The following C7orf33 variants were observed in gnomAD, a reference collection of about 807,000 sequenced individuals.
C7orf33 encodes uncharacterized protein C7orf33.
C7orf33 carries 15 observed loss-of-function variants against 13.4 expected under a neutral mutation model. The observed-to-expected ratio is 1.12, with a 90% CI of 0.75 to 1.72. C7orf33 has a LOEUF of 1.72. Among genes scored for constraint, C7orf33 ranks in the 40% most tolerant of loss-of-function variants. C7orf33 has a pLI of 0.00. For missense variants in C7orf33, 187 were observed against 220.3 expected, an observed-to-expected ratio of 0.85 and a Z score of 0.96; for synonymous variants, 73 against 83.2, an observed-to-expected ratio of 0.88 and a Z score of 0.67.
chr7:148,607,181 C>A (rs373614843), intron 1 of C7orf33, among the ~76,000 whole-genome samples: 11 of 152,198 alleles, frequency 7.2e-5, no homozygotes, highest in East Asian at 5.8e-4. Flanking sequence ...GACTTCTCTG[C>A]GGGGAAGCAA....
chr7:148,603,238 G>A (rs1796436520), intron 1 of C7orf33, among the ~76,000 whole-genome samples: 2 of 152,042 alleles, frequency 1.3e-5, no homozygotes, highest in South Asian at 4.2e-4. Flanking sequence ...TGCTCAGGAT[G>A]GGGGAAATCT....
At chr7:148,597,474 G>T (rs1417815468) in intron 1 of C7orf33, among the ~76,000 whole-genome samples, 1 of 151,862 alleles carries the variant, frequency 6.6e-6, no homozygotes, top group Non-Finnish European at 1.5e-5. Context: ...TAGCAATGGG[G>T]TTTTACCATA....
rs1053747050 is a variant in C7orf33 at position 148,610,456 on chromosome 7, C to T, written c.205-3586C>T. On this transcript the variant is annotated intron_variant, in intron 1 of 2. Coordinates refer to ENST00000307003, the MANE Select transcript of C7orf33 (RefSeq NM_145304.4). Reference sequence around the variant, plus strand: ...CTTCCTGCCCTTGAACATCAGACTCCGAGTTCTTCAGTTTTGGGACTCGGA... The same window carrying T: ...CTTCCTGCCCTTGAACATCAGACTCTGAGTTCTTCAGTTTTGGGACTCGGA... Among the ~76,000 whole-genome samples the T allele has an allele frequency of 2.6e-5, 4 of 152,298 alleles. No individual in the cohort carries two copies. The East Asian group carries it at 7.7e-4, about 29-fold the overall frequency.
chr7:148,606,510 A>T (rs961206652), intron 1 of C7orf33, among the ~76,000 whole-genome samples: 1 of 152,246 alleles, frequency 6.6e-6, no homozygotes, highest in Non-Finnish European at 1.5e-5. Context: ...AACAAAAAAA[A>T]ATATGCAGCA....
At chr7:148,610,769 A>G (rs1332558181) in intron 1 of C7orf33, among the ~76,000 whole-genome samples, 1 of 152,108 alleles carries the variant, frequency 6.6e-6, no homozygotes, top group Non-Finnish European at 1.5e-5. Flanking sequence ...AGGGACAGCA[A>G]TGGGGCAGGG....
At chr7:148,605,073 A>T (rs758935444) in intron 1 of C7orf33, among the ~76,000 whole-genome samples, 10 of 152,242 alleles carry the variant, frequency 6.6e-5, no homozygotes, top group Non-Finnish European at 1.3e-4. Flanking sequence ...TTCTACTAGA[A>T]ATACAAAAAT....
intron 1 of C7orf33, among the ~76,000 whole-genome samples, chr7:148,593,752 G>A (rs1423088617): frequency 2.6e-5 from 4 of 152,116 alleles, no homozygotes; most frequent in Non-Finnish European, 5.9e-5. Flanking sequence ...TTGTAGAAAC[G>A]GAGACTCCCA....
chr7:148,592,621 TC>T (rs550736003), intron 1 of C7orf33, among the ~76,000 whole-genome samples: 138 of 151,994 alleles, frequency 9.1e-4, no homozygotes, highest in African/African-American at 3.2e-3. Context: ...TTCAAGCGAT[TC>T]TCCTGTCTCA....
intron 1 of C7orf33, among the ~76,000 whole-genome samples, chr7:148,606,933 T>TACACACACACACACACACACACACAC (rs112000703): frequency 2.2e-5 from 3 of 139,232 alleles, no homozygotes; most frequent in Admixed American, 7.5e-5. Context: ...AAAAAAAAAA[T>TACACACACACACACACACACACACAC]ACACACACAC....
chr7:148,615,322 T>C lies in C7orf33; in HGVS notation c.460-5T>C. 6.2e-7 allele frequency: 1 copy of C among 1,602,556 alleles called. No individual in the cohort carries two copies. The highest frequency in any genetic ancestry group is 8.5e-7 in the Non-Finnish European group (1 of 1,169,592). On this transcript the variant is annotated splice_polypyrimidine_tract_variant and splice_region_variant and intron_variant, in intron 2 of 2. Transcript: ENST00000307003. ...ATAACAGAAGTCTTCGTAATCCACA[T>C]GTAGGTACGTGGGCATGAAGTAAGA...
At chr7:148,613,503 G>C (rs918831860) in intron 1 of C7orf33, among the ~76,000 whole-genome samples, 2 of 152,206 alleles carry the variant, frequency 1.3e-5, no homozygotes, top group African/African-American at 4.8e-5. Context: ...ATGAAGTTCC[G>C]ATTCATGCTA....
chr7:148,591,211 AT>A (rs1796265764), intron 1 of C7orf33, 82 bp downstream of exon 1: 1 of 1,200,842 alleles, frequency 8.3e-7, no homozygotes, highest in South Asian at 1.2e-5. Context: ...CAATCCATGA[AT>A]GTTTTTGACT....
chr7:148,611,913 G>T (rs987836901), intron 1 of C7orf33, among the ~76,000 whole-genome samples: 1 of 152,216 alleles, frequency 6.6e-6, no homozygotes, highest in African/African-American at 2.4e-5. Flanking sequence ...AACCAAGCAG[G>T]TGAGCCACAC....
At chr7:148,596,851 CT>C (rs1796345450) in intron 1 of C7orf33, among the ~76,000 whole-genome samples, 1 of 152,114 alleles carries the variant, frequency 6.6e-6, no homozygotes, top group South Asian at 2.1e-4. Context: ...AACCACTGAT[CT>C]TTTTACTGTC....
At chr7:148,612,376 A>C (rs79969858) in intron 1 of C7orf33, among the ~76,000 whole-genome samples, 5,790 of 152,312 alleles carry the variant, frequency 0.038, 184 homozygotes, top group Admixed American at 0.095. Context: ...GGAACTATAC[A>C]AATGACAAAA....
At chr7:148,598,755 TATATATATAGAGAG>T (rs1472223702) in intron 1 of C7orf33, among the ~76,000 whole-genome samples, 149 of 52,326 alleles carry the variant, frequency 2.8e-3, no homozygotes, top group Non-Finnish European at 3.6e-3. Flanking sequence ...TATATATATA[TATATATATAGAGAG>T]AGAGAGAGAG....
rs117661227 is a variant in C7orf33 at position 148,611,282 on chromosome 7, T to A, written c.205-2760T>A. Among the ~76,000 whole-genome samples, 9 of 152,206 alleles carry A rather than the reference T, an allele frequency of 5.9e-5. No homozygotes were observed. The East Asian group carries it at 1.2e-3, about 20-fold the overall frequency. ...AGGCACTCCTGTTTTCATGACTGAA[T>A]GTTGCATTTTCCAAGACCACCCTGG... On this transcript the variant is annotated intron_variant, in intron 1 of 2. Coordinates refer to ENST00000307003, the MANE Select transcript of C7orf33 (RefSeq NM_145304.4).
rs1251382035 is a variant in C7orf33, at chr7:148,614,175, G to A, written c.338G>A (p.Arg113Lys). The A allele has an allele frequency of 6.2e-7, 1 of 1,614,054 alleles. No homozygotes were observed. The highest frequency in any genetic ancestry group is 2.2e-5 in the East Asian group (1 of 44,896). ...GATGCCCAGAGAGCAGTCAGAATCAGGCCAGGCACCAGGATGGGCTTGTCC... is the reference window on the plus strand; with the variant it reads ...GATGCCCAGAGAGCAGTCAGAATCAAGCCAGGCACCAGGATGGGCTTGTCC... ...PTDAQRAVRIRPGTRMGLSSD... is the reference protein window; with the variant it reads ...PTDAQRAVRIKPGTRMGLSSD... The change falls in exon 2 of 3, where the codon AGG becomes AAG. Residue 113 changes from arginine (R) to lysine (K), a missense_variant. Arg to Lys is a conservative substitution (Grantham distance 26, BLOSUM62 2). Coordinates refer to ENST00000307003, the MANE Select transcript of C7orf33 (RefSeq NM_145304.4).
intron 1 of C7orf33, among the ~76,000 whole-genome samples, chr7:148,592,098 C>A (rs1372479038): frequency 6.6e-6 from 1 of 152,132 alleles, no homozygotes; most frequent in Non-Finnish European, 1.5e-5. Flanking sequence ...TTGCCCACAC[C>A]CTCATTGTGG....
Sources: allele counts gnomAD v4.1 joint callset (sites outside exome capture counted in the v4.1 genomes callset), GRCh38; gene constraint gnomAD v4.1.1; transcripts MANE v1.5; gene names NCBI Gene and HGNC (gene_info 2026-07-23, HGNC 2026-07-21).